VEPH1: variants seen among roughly 807,000 people sequenced by gnomAD.
VEPH1 encodes the protein ventricular zone expressed PH domain containing 1, also known as ventricular zone-expressed PH domain-containing protein homolog 1.
Under a neutral mutation model 85.2 loss-of-function variants are expected in VEPH1, and 80 were observed. The observed-to-expected ratio is 0.94, with a 90% CI of 0.78 to 1.13. The LOEUF (loss-of-function observed/expected upper bound fraction) is 1.13, where lower values mean the gene tolerates loss of function less well. Among genes scored for constraint, VEPH1 ranks in the 50% most tolerant of loss-of-function variants. VEPH1 has a pLI of 0.00. For missense variants in VEPH1, 955 were observed against 980.5 expected (o/e 0.97, Z 0.35); for synonymous variants, 297 against 348.0 (o/e 0.85, Z 1.63).
intron 6 of VEPH1, among the ~76,000 whole-genome samples, chr3:157,389,685 AGAT>A (rs1245430251): frequency 6.7e-6 from 1 of 148,792 alleles, no homozygotes; most frequent in African/African-American, 2.5e-5. Context: ...ATAGATAGAT[AGAT>A]AGATAGAAAT....
At chr3:157,267,087 C>CT (rs1713753902) in intron 12 of VEPH1, among the ~76,000 whole-genome samples, 1 of 137,876 alleles carries the variant, frequency 7.3e-6, no homozygotes, top group Non-Finnish European at 1.5e-5. Context: ...CTTTTCTTTT[C>CT]TTTTTCTTTT....
At position 157,286,546 on chromosome 3, in the gene VEPH1, G is replaced by C. The variant is rs777333431; in HGVS notation, c.2128+11C>G. 1 of 1,608,142 alleles carries C rather than the reference G, an allele frequency of 6.2e-7. No homozygotes were observed. The highest frequency in any genetic ancestry group is 8.5e-7 in the Non-Finnish European group (1 of 1,174,712). On this transcript the variant is annotated intron_variant, in intron 12 of 13. Transcript: ENST00000362010. ...ACAAATGGTTCTTAGCAGCAGGTAAGGGTCTCTCACCAGTTGCTTTCTCAG... is the reference window on the plus strand; with the variant it reads ...ACAAATGGTTCTTAGCAGCAGGTAACGGTCTCTCACCAGTTGCTTTCTCAG...
intron 6 of VEPH1, among the ~76,000 whole-genome samples, chr3:157,388,009 A>T (rs182011746): frequency 5.5e-4 from 84 of 152,304 alleles, no homozygotes; most frequent in Admixed American, 3.3e-3. Flanking sequence ...ATGTAAAAAA[A>T]TAATAATATA....
chr3:157,442,266 T>A, intron 4 of VEPH1: 1 of 1,114,354 alleles, frequency 9.0e-7, no homozygotes, highest in Non-Finnish European at 1.2e-6. Context: ...AGCTTTCAAT[T>A]GTAATAATTA....
chr3:157,446,425 T>C (rs1734562527), intron 4 of VEPH1, among the ~76,000 whole-genome samples: 4 of 152,200 alleles, frequency 2.6e-5, no homozygotes, highest in African/African-American at 4.8e-5. Flanking sequence ...TCTATTACAA[T>C]ATAAATTGGC....
chr3:157,435,917 A>C (rs942826010), intron 4 of VEPH1, among the ~76,000 whole-genome samples: 3 of 152,234 alleles, frequency 2.0e-5, no homozygotes, highest in Non-Finnish European at 4.4e-5. Flanking sequence ...TAAATAACTA[A>C]ATAAGTATAT....
chr3:157,491,769 T>C (rs1739232279), intron 2 of VEPH1, among the ~76,000 whole-genome samples: 1 of 152,126 alleles, frequency 6.6e-6, no homozygotes, highest in Non-Finnish European at 1.5e-5. Flanking sequence ...ATGTTGAAAA[T>C]GTGGCAGAAT....
intron 4 of VEPH1, among the ~76,000 whole-genome samples, chr3:157,429,606 A>T (rs1473694220): frequency 6.6e-6 from 1 of 152,252 alleles, no homozygotes; most frequent in Non-Finnish European, 1.5e-5. Context: ...TGTTCCCCAG[A>T]ATACAAGTTG....
rs763414641 is a variant in VEPH1 at position 157,261,383 on chromosome 3, G to A, written c.2266-13C>T. ...CAGGGTCATCTTTCTGAAAGGCATG[G>A]GAAGAAAAGAACATGGGCTGGCTGT... On this transcript the variant is annotated splice_polypyrimidine_tract_variant and intron_variant, in intron 13 of 13. Coordinates refer to ENST00000362010, the MANE Select transcript of VEPH1 (RefSeq NM_001167912.2). 5.6e-6 allele frequency: 9 copies of A among 1,612,416 alleles called. No individual in the cohort carries two copies. In the East Asian group the frequency reaches 1.6e-4, roughly 28 times the overall value.
At chr3:157,275,811 G>C (rs1400646321) in intron 12 of VEPH1, among the ~76,000 whole-genome samples, 8 of 151,930 alleles carry the variant, frequency 5.3e-5, no homozygotes, top group Admixed American at 5.2e-4. Context: ...TGTATTTAAA[G>C]TTTCAAATTT....
intron 4 of VEPH1, chr3:157,459,635 A>G: frequency 7.7e-7 from 1 of 1,293,676 alleles, no homozygotes; most frequent in Non-Finnish European, 9.8e-7. Context: ...TGCATGAACT[A>G]ATTTGAGCTT....
chr3:157,358,113 T>C (rs1725649009), intron 9 of VEPH1, among the ~76,000 whole-genome samples: 1 of 152,194 alleles, frequency 6.6e-6, no homozygotes, highest in Admixed American at 6.5e-5. Flanking sequence ...CTTCTTGTTA[T>C]TTGGATGTGT....
At chr3:157,312,957 T>C (rs1018805056) in intron 11 of VEPH1, among the ~76,000 whole-genome samples, 5 of 136,150 alleles carry the variant, frequency 3.7e-5, no homozygotes, top group African/African-American at 1.4e-4. Context: ...CAGGCTGGAG[T>C]GCAGTGGCGC....
intron 13 of VEPH1, among the ~76,000 whole-genome samples, chr3:157,261,882 G>A (rs73016226): frequency 6.6e-6 from 1 of 152,104 alleles, no homozygotes; most frequent in African/African-American, 2.4e-5. Flanking sequence ...AGTAAGAGAA[G>A]AAATATTTAA....
chr3:157,395,692 T>A (rs1382418208), intron 6 of VEPH1, among the ~76,000 whole-genome samples: 1 of 152,212 alleles, frequency 6.6e-6, no homozygotes, highest in Admixed American at 6.5e-5. Context: ...CAAAAATTTC[T>A]TTGTCACCAA....
chr3:157,429,703 T>TGGCTCACTGCAA (rs1733002436), intron 4 of VEPH1, among the ~76,000 whole-genome samples: 1 of 152,236 alleles, frequency 6.6e-6, no homozygotes, highest in African/African-American at 2.4e-5. Context: ...TTGTTTTGTT[T>TGGCTCACTGCAA]TCTGTTTATT....
chr3:157,342,400 T>A (rs1723685003), intron 9 of VEPH1, among the ~76,000 whole-genome samples: 1 of 152,056 alleles, frequency 6.6e-6, no homozygotes, highest in Middle Eastern at 3.2e-3. Context: ...AAACAGACTT[T>A]AAACCAACAA....
In VEPH1 at chr3:157,503,373, G is replaced by C. The variant is rs1019234721; in HGVS notation, c.-254C>G. On this transcript the variant is annotated 5_prime_UTR_variant, in exon 1 of 14. Coordinates refer to ENST00000362010, the MANE Select transcript of VEPH1 (RefSeq NM_001167912.2). ...GGACCCATGACCATGCTCAGAGGCA[G>C]CCTTGCAGCTGCTGCCCAGTCCTGT... The C allele has an allele frequency of 9.9e-5, 15 of 152,218 alleles. No homozygotes were observed. The highest frequency in any genetic ancestry group is 3.9e-4 in the Admixed American group (6 of 15,286). The allele number at this position is 152,218 out of a possible 1,614,324, so 9.4% of individuals were successfully genotyped here. A position where few individuals can be genotyped will look rare whatever the true frequency, so the allele number is the denominator to read the frequency against.
chr3:157,485,676 T>C (rs546270273), intron 2 of VEPH1, among the ~76,000 whole-genome samples: 37 of 152,146 alleles, frequency 2.4e-4, no homozygotes, highest in African/African-American at 8.2e-4. Flanking sequence ...CTTATCATAA[T>C]AAGTATGAGT....
Sources: allele counts gnomAD v4.1 joint callset (sites outside exome capture counted in the v4.1 genomes callset), GRCh38; gene constraint gnomAD v4.1.1; transcripts MANE v1.5; gene names NCBI Gene and HGNC (gene_info 2026-07-23, HGNC 2026-07-21).